Variants in DAPK1 observed in about 807,000 individuals in gnomAD.
DAPK1 encodes death associated protein kinase 1.
A neutral mutation model predicts 144.9 loss-of-function variants in DAPK1; 56 were observed. The observed-to-expected ratio is 0.39, with a 90% CI of 0.31 to 0.48. The LOEUF (loss-of-function observed/expected upper bound fraction) is 0.48, where lower values mean the gene tolerates loss of function less well. Ranked by LOEUF, DAPK1 falls within the 20% of genes least tolerant of loss-of-function variation. The probability of loss-of-function intolerance (pLI) is 0.95; values close to 1 mark genes in which losing one functional copy is unlikely to be tolerated. For missense variants in DAPK1, 1,454 were observed against 1,875.4 expected (o/e 0.78, Z 4.15); for synonymous variants, 690 against 749.0 (o/e 0.92, Z 1.29).
intron 2 of DAPK1, among the ~76,000 whole-genome samples, chr9:87,589,564 T>G (rs1003636038): frequency 1.3e-5 from 2 of 151,482 alleles, no homozygotes; most frequent in African/African-American, 4.9e-5. Context: ...ACTTTTTTTT[T>G]TATATGAACT....
chr9:87,595,190 GT>G (rs1226266505), intron 2 of DAPK1, among the ~76,000 whole-genome samples: 2 of 152,188 alleles, frequency 1.3e-5, no homozygotes, highest in African/African-American at 2.4e-5. Flanking sequence ...AAGGAAAAAG[GT>G]TTTGTGGTTA....
intron 2 of DAPK1, among the ~76,000 whole-genome samples, chr9:87,588,544 A>T (rs1423567771): frequency 6.6e-6 from 1 of 152,156 alleles, no homozygotes; most frequent in Non-Finnish European, 1.5e-5. Context: ...GGTTGTGAGG[A>T]TCAGCTTTCA....
At chr9:87,643,311 C>T in intron 10 of DAPK1, 65 bp from the exon 11 acceptor site, 1 of 932,928 alleles carries the variant, frequency 1.1e-6, no homozygotes, top group Non-Finnish European at 1.6e-6. Context: ...AGCTGTCTCT[C>T]CTCCTCTCAC....
intron 19 of DAPK1, among the ~76,000 whole-genome samples, chr9:87,680,653 GCGCACA>G (rs1824578567): frequency 6.6e-6 from 1 of 150,452 alleles, no homozygotes; most frequent in Non-Finnish European, 1.5e-5. Flanking sequence ...ACACACACAC[GCGCACA>G]CACACACACA....
chr9:87,589,184 C>G (rs1587744607), intron 2 of DAPK1, among the ~76,000 whole-genome samples: 1 of 150,286 alleles, frequency 6.7e-6, no homozygotes, highest in Non-Finnish European at 1.5e-5. Context: ...GCTGGGATTA[C>G]AGGCGTGAGC....
chr9:87,623,531 G>A (rs1587780900), intron 3 of DAPK1, among the ~76,000 whole-genome samples: 1 of 152,074 alleles, frequency 6.6e-6, no homozygotes, highest in Non-Finnish European at 1.5e-5. Context: ...TGCTGGTAGC[G>A]ACAGTCCGTC....
At chr9:87,529,078 C>T (rs1315704907) in intron 2 of DAPK1, among the ~76,000 whole-genome samples, 1 of 152,074 alleles carries the variant, frequency 6.6e-6, no homozygotes, top group African/African-American at 2.4e-5. Context: ...AGACAGCCAC[C>T]CCATGGGAAG....
chr9:87,612,958 C>T (rs551076266), intron 3 of DAPK1, among the ~76,000 whole-genome samples: 4 of 152,320 alleles, frequency 2.6e-5, no homozygotes, highest in East Asian at 1.9e-4. Context: ...TAAGTATTGG[C>T]ATGGTGGATT....
At chr9:87,672,438 C>T (rs1329700554) in intron 19 of DAPK1, among the ~76,000 whole-genome samples, 2 of 152,096 alleles carry the variant, frequency 1.3e-5, no homozygotes, top group African/African-American at 4.8e-5. Context: ...TCAATGGGCT[C>T]GGGGGGCTCC....
At position 87,707,384 on chromosome 9, in the gene DAPK1, C is replaced by T. The variant is rs771900778; in HGVS notation, c.*20C>T. 2.6e-6 allele frequency: 4 copies of T among 1,557,050 alleles called. No homozygotes were observed. In the Admixed American group the frequency reaches 6.9e-5, roughly 27 times the overall value. Reference sequence around the variant, plus strand: ...CGGTGAGGGCAGCCTCTGGCTTGGGCAGGGTCTGTTTGGACTGCAGAAGCA... The same window carrying T: ...CGGTGAGGGCAGCCTCTGGCTTGGGTAGGGTCTGTTTGGACTGCAGAAGCA... On this transcript the variant is annotated 3_prime_UTR_variant, in exon 26 of 26. Transcript: ENST00000408954. The surrounding 1 kb of genome is among the most constrained non-coding windows in gnomAD (Gnocchi z 4.0).
chr9:87,681,849 A>G, intron 20 of DAPK1: 1 of 581,494 alleles, frequency 1.7e-6, no homozygotes, highest in Non-Finnish European at 3.1e-6. Flanking sequence ...CAAGGGCCTC[A>G]CTGAAATCAC....
intron 2 of DAPK1, among the ~76,000 whole-genome samples, chr9:87,509,069 A>C (rs977445379): frequency 1.3e-5 from 2 of 152,194 alleles, no homozygotes; most frequent in African/African-American, 4.8e-5. Context: ...GTCTCTGGGA[A>C]AGTGATGAAA....
At chr9:87,689,306 G>T (rs1193662790) in intron 21 of DAPK1, among the ~76,000 whole-genome samples, 1 of 151,886 alleles carries the variant, frequency 6.6e-6, no homozygotes, top group Admixed American at 6.6e-5. Flanking sequence ...GTCTGTTTTT[G>T]TACCAGTACC....
At chr9:87,636,836 C>A (rs1200783217) in intron 3 of DAPK1, among the ~76,000 whole-genome samples, 1 of 152,178 alleles carries the variant, frequency 6.6e-6, no homozygotes, top group Non-Finnish European at 1.5e-5. Flanking sequence ...TATAAAAACT[C>A]TTATTAAAAC....
At chr9:87,685,431 C>G (rs893294713) in intron 20 of DAPK1, among the ~76,000 whole-genome samples, 2 of 152,180 alleles carry the variant, frequency 1.3e-5, no homozygotes, top group Admixed American at 1.3e-4. Flanking sequence ...TTTAGTGCCT[C>G]GCAATGTCTA....
chr9:87,547,013 C>G (rs1038435248), intron 2 of DAPK1, among the ~76,000 whole-genome samples: 1 of 152,070 alleles, frequency 6.6e-6, no homozygotes, highest in Non-Finnish European at 1.5e-5. Flanking sequence ...AAAAATTAGC[C>G]GGGTGTGTTG....
At chr9:87,576,186 A>T (rs12351552) in intron 2 of DAPK1, among the ~76,000 whole-genome samples, 1 of 152,164 alleles carries the variant, frequency 6.6e-6, no homozygotes, top group African/African-American at 2.4e-5. Flanking sequence ...ATGCACACAC[A>T]TGCGTACACA....
intron 2 of DAPK1, among the ~76,000 whole-genome samples, chr9:87,543,188 G>A (rs577286175): frequency 2.0e-5 from 3 of 152,310 alleles, no homozygotes; most frequent in African/African-American, 7.2e-5. Flanking sequence ...ATTCTTGGTC[G>A]GGGCTGTGAT....
intron 2 of DAPK1, among the ~76,000 whole-genome samples, chr9:87,557,864 C>T (rs1452062658): frequency 2.0e-5 from 3 of 152,136 alleles, no homozygotes; most frequent in African/African-American, 7.2e-5. Context: ...TCACCTGAAC[C>T]TGGGAGGCGG....
Sources: gnomAD v4.1 joint callset for allele counts (sites outside exome capture counted in the v4.1 genomes callset) on GRCh38, gnomAD v4.1.1 for gene constraint, Gnocchi (gnomAD v3.1) non-coding constraint, MANE v1.5 for transcripts, NCBI Gene and HGNC (gene_info 2026-07-23, HGNC 2026-07-21) for gene names.